Variants in RPS6KA3 observed in about 807,000 individuals in gnomAD.
RPS6KA3 encodes the protein ribosomal protein S6 kinase A3.
A neutral mutation model predicts 67.2 loss-of-function variants in RPS6KA3; 4 were observed. The ratio of observed to expected loss-of-function variants is 0.06; its 90% CI spans 0.03 to 0.14. RPS6KA3 has a LOEUF of 0.14. Among genes scored for constraint, RPS6KA3 ranks in the 10% least tolerant of loss-of-function variants. The pLI is 1.00. For missense variants in RPS6KA3, 204 were observed against 559.0 expected (o/e 0.36, Z 6.40); for synonymous variants, 182 against 183.7 (o/e 0.99, Z 0.07).
At chrX:20,256,594 T>TA (rs1308039060) in intron 1 of RPS6KA3, among the ~76,000 whole-genome samples, 1 of 112,052 alleles carries the variant, frequency 8.9e-6, no homozygotes, top group African/African-American at 3.2e-5. Flanking sequence ...AAATCTCAAA[T>TA]AATCTTCCCA....
intron 7 of RPS6KA3, among the ~76,000 whole-genome samples, chrX:20,192,500 A>T (rs2068158329): frequency 9.1e-6 from 1 of 110,120 alleles, no homozygotes; most frequent in East Asian, 2.8e-4. Flanking sequence ...AAATCACAAA[A>T]GAAGATTGGT....
rs1436720277 is a variant in RPS6KA3, at chrX:20,266,740, CG to C, written c.-109del. The C allele has an allele frequency of 1.4e-5, 5 of 363,506 alleles. No homozygotes were observed. The East Asian group carries it at 1.2e-3, about 90-fold the overall frequency. The allele number at this position is 363,506 out of a possible 1,213,427, so 30.0% of individuals were successfully genotyped here. On this transcript the variant is annotated 5_prime_UTR_variant, in exon 1 of 22. Coordinates refer to ENST00000379565, the MANE Select transcript of RPS6KA3 (RefSeq NM_004586.3). ...CCCACGGCAGCGGCGGCGGCGGCGG[CG>C]GCGGCGGCAGCGGCAGCGGCAGCGG... is the stretch of plus-strand genomic sequence containing the variant.
chrX:20,158,082 G>A (rs1450612584), intron 20 of RPS6KA3, among the ~76,000 whole-genome samples: 1 of 110,494 alleles, frequency 9.1e-6, no homozygotes, highest in Non-Finnish European at 1.9e-5. Context: ...TCAGGGAGGT[G>A]TATGTAATGG....
chrX:20,174,228 T>C (rs188491482), intron 14 of RPS6KA3, among the ~76,000 whole-genome samples: 126 of 111,805 alleles, frequency 1.1e-3, no homozygotes, highest in African/African-American at 3.8e-3. Flanking sequence ...CAATTCATCA[T>C]AGCTGACCTG....
intron 1 of RPS6KA3, among the ~76,000 whole-genome samples, chrX:20,236,803 A>C (rs1328374040): frequency 8.9e-6 from 1 of 111,831 alleles, no homozygotes; most frequent in African/African-American, 3.3e-5. Context: ...CTTTGGTATA[A>C]AGATACTCAT....
chrX:20,254,056 T>C (rs187965161), intron 1 of RPS6KA3, among the ~76,000 whole-genome samples: 1 of 112,020 alleles, frequency 8.9e-6, no homozygotes, highest in African/African-American at 3.2e-5. Context: ...TTGATAGCTA[T>C]TACTCTTGAA....
intron 20 of RPS6KA3, among the ~76,000 whole-genome samples, chrX:20,159,498 A>G (rs1012560349): frequency 2.7e-5 from 3 of 112,229 alleles, no homozygotes; most frequent in African/African-American, 9.7e-5. Flanking sequence ...TGTAATCACA[A>G]GTCTTAACTG....
intron 4 of RPS6KA3, among the ~76,000 whole-genome samples, chrX:20,201,982 T>C (rs965064064): frequency 5.1e-4 from 51 of 100,798 alleles, no homozygotes; most frequent in African/African-American, 1.4e-3. Flanking sequence ...TTTTCTTTTT[T>C]TTTTTTTTTT....
chrX:20,161,787 TAATG>T (rs2067309503), intron 19 of RPS6KA3, 26 bp from the exon 20 acceptor site: 1 of 606,354 alleles, frequency 1.6e-6, no homozygotes, highest in Admixed American at 3.5e-5. Flanking sequence ...ATTAAAATAT[TAATG>T]AATAAAATTT....
At chrX:20,163,647 G>A (rs1244318390) in intron 18 of RPS6KA3, among the ~76,000 whole-genome samples, 1 of 110,518 alleles carries the variant, frequency 9.0e-6, no homozygotes, top group African/African-American at 3.3e-5. Flanking sequence ...GACCAACCTG[G>A]GCAACACAGC....
chrX:20,256,512 C>G (rs896161040), intron 1 of RPS6KA3, among the ~76,000 whole-genome samples: 2 of 111,715 alleles, frequency 1.8e-5, no homozygotes, highest in Non-Finnish European at 3.8e-5. Flanking sequence ...GGCAGGCCCC[C>G]CTTTTTCCAA....
intron 2 of RPS6KA3, chrX:20,218,995 C>T (rs2037033475): frequency 1.2e-5 from 5 of 427,087 alleles, no homozygotes; most frequent in African/African-American, 2.5e-5. Flanking sequence ...AAAAAGAGGC[C>T]GGACAATTTT....
chrX:20,215,156 A>G (rs1259238616), intron 2 of RPS6KA3, among the ~76,000 whole-genome samples: 1 of 110,710 alleles, frequency 9.0e-6, no homozygotes, highest in Non-Finnish European at 1.9e-5. Flanking sequence ...CCACTTTCAT[A>G]CTAAATTTTT....
Position 20,209,148 on chromosome X carries a change from T to C in RPS6KA3, c.243+140A>G, listed in dbSNP as rs947220548. The stretch of plus-strand genomic sequence containing the variant: ...CTTTATTCACTTTCCCACTTACTGA[T>C]AGTGAGAAATGTAAAAAAACAGAAA... On this transcript the variant is annotated intron_variant, in intron 3 of 21. Coordinates refer to ENST00000379565, the MANE Select transcript of RPS6KA3 (RefSeq NM_004586.3). 1.3e-5 allele frequency: 6 copies of C among 479,984 alleles called. No individual in the cohort carries two copies. The East Asian group carries it at 1.9e-4, about 15-fold the overall frequency. 39.6% of individuals were successfully genotyped at this position (479,984 alleles called of 1,213,427 possible).
chrX:20,171,058 C>A (rs1449162850), intron 15 of RPS6KA3, among the ~76,000 whole-genome samples: 10 of 112,192 alleles, frequency 8.9e-5, no homozygotes, highest in Non-Finnish European at 5.6e-5. Context: ...GGATTACAAA[C>A]GTGAGACACT....
chrX:20,247,301 T>G (rs1219214492), intron 1 of RPS6KA3, among the ~76,000 whole-genome samples: 3 of 110,487 alleles, frequency 2.7e-5, no homozygotes, highest in African/African-American at 9.9e-5. Flanking sequence ...GTGGCACATG[T>G]ACTCGAGTAG....
At chrX:20,175,315 A>T (rs1487776273) in intron 13 of RPS6KA3, 27 bp from the exon 14 acceptor site, 1 of 1,201,860 alleles carries the variant, frequency 8.3e-7, no homozygotes, top group Non-Finnish European at 1.1e-6. Flanking sequence ...GTGACAAAGA[A>T]GATTCATTTG....
chrX:20,255,446 G>A (rs997711906), intron 1 of RPS6KA3, among the ~76,000 whole-genome samples: 1 of 111,653 alleles, frequency 9.0e-6, no homozygotes, highest in East Asian at 2.8e-4. Flanking sequence ...TAAAAGCCAC[G>A]AATCATATAC....
chrX:20,175,910 A>T (rs1569204426), intron 13 of RPS6KA3, among the ~76,000 whole-genome samples: 1 of 111,215 alleles, frequency 9.0e-6, no homozygotes, highest in Non-Finnish European at 1.9e-5. Context: ...TCGCTCTGTC[A>T]CCCAGGCTGG....
Sources: allele counts gnomAD v4.1 joint callset (sites outside exome capture counted in the v4.1 genomes callset), GRCh38; gene constraint gnomAD v4.1.1; transcripts MANE v1.5; gene names NCBI Gene and HGNC (gene_info 2026-07-23, HGNC 2026-07-21).